The following MACROD2 variants were observed in gnomAD, a reference collection of about 807,000 sequenced individuals.
MACROD2 encodes mono-ADP ribosylhydrolase 2.
In MACROD2, 36 loss-of-function variants were observed where a neutral mutation model predicts 70.4. That is an observed-to-expected ratio of 0.51 (90% CI 0.39 to 0.68). The LOEUF (loss-of-function observed/expected upper bound fraction) is 0.68, where lower values mean the gene tolerates loss of function less well. MACROD2 is among the 30% of genes least tolerant of loss of function. The probability of loss-of-function intolerance (pLI) is 0.00; values close to 1 mark genes in which losing one functional copy is unlikely to be tolerated. For synonymous variants in MACROD2, 172 were observed against 178.8 expected (o/e 0.96, Z 0.30); for missense variants, 496 against 538.4 (o/e 0.92, Z 0.78).
chr20:14,673,963 C>T (rs192481975), intron 4 of MACROD2, among the ~76,000 whole-genome samples: 1 of 149,988 alleles, frequency 6.7e-6, no homozygotes, highest in Admixed American at 6.6e-5. Flanking sequence ...AAGCTCAAGA[C>T]CACCTTGCAA....
chr20:14,444,041 T>C (rs201812596), intron 3 of MACROD2, among the ~76,000 whole-genome samples: 4 of 152,304 alleles, frequency 2.6e-5, no homozygotes, highest in East Asian at 3.9e-4. Flanking sequence ...AATCTCACTT[T>C]ATCTAAAAAC....
At chr20:14,697,924 T>C (rs774644900) in intron 5 of MACROD2, among the ~76,000 whole-genome samples, 22 of 152,368 alleles carry the variant, frequency 1.4e-4, no homozygotes, top group African/African-American at 5.3e-4. Flanking sequence ...TGTTTAAGAC[T>C]GTACACTTTG....
chr20:15,092,071 C>T (rs760863758), intron 5 of MACROD2, among the ~76,000 whole-genome samples: 2 of 152,154 alleles, frequency 1.3e-5, no homozygotes, highest in African/African-American at 2.4e-5. Flanking sequence ...ACACTAAAGT[C>T]ATTTGGAAAC....
intron 6 of MACROD2, among the ~76,000 whole-genome samples, chr20:15,416,693 A>G (rs761961507): frequency 4.2e-4 from 64 of 152,104 alleles, no homozygotes; most frequent in Middle Eastern, 3.4e-3. Context: ...TCACGAGGTC[A>G]GGAGATCGAG....
At chr20:15,481,643 T>A (rs2047099364) in intron 7 of MACROD2, among the ~76,000 whole-genome samples, 1 of 152,100 alleles carries the variant, frequency 6.6e-6, no homozygotes, top group South Asian at 2.1e-4. Flanking sequence ...GAGCCTACTC[T>A]CATGCTTTCG....
chr20:15,467,090 T>C (rs2046902319), intron 7 of MACROD2, among the ~76,000 whole-genome samples: 2 of 152,210 alleles, frequency 1.3e-5, no homozygotes, highest in Non-Finnish European at 2.9e-5. Flanking sequence ...TGTTGCTCTA[T>C]GAAGGCATTC....
At chr20:14,143,693 C>T (rs2054906725) in intron 3 of MACROD2, among the ~76,000 whole-genome samples, 1 of 152,074 alleles carries the variant, frequency 6.6e-6, no homozygotes, top group Non-Finnish European at 1.5e-5. Flanking sequence ...CTGCTCAGGC[C>T]ATTGTGGAAT....
chr20:14,583,639 A>G (rs571964435), intron 4 of MACROD2, among the ~76,000 whole-genome samples: 1 of 152,290 alleles, frequency 6.6e-6, no homozygotes, highest in South Asian at 2.1e-4. Context: ...CTCTGAGTCA[A>G]TACTTACTCA....
intron 5 of MACROD2, among the ~76,000 whole-genome samples, chr20:14,706,180 G>A (rs1226547811): frequency 6.6e-6 from 1 of 151,996 alleles, no homozygotes. Flanking sequence ...TGGGTGTGGT[G>A]GCACACACCT....
chr20:14,008,968 A>G (rs1024503374), intron 2 of MACROD2, among the ~76,000 whole-genome samples: 2 of 152,184 alleles, frequency 1.3e-5, no homozygotes, highest in Non-Finnish European at 2.9e-5. Context: ...ACACAGATTA[A>G]CTCAAGATGG....
intron 4 of MACROD2, among the ~76,000 whole-genome samples, chr20:14,678,468 T>C (rs1209905181): frequency 6.6e-6 from 1 of 152,154 alleles, no homozygotes; most frequent in Non-Finnish European, 1.5e-5. Flanking sequence ...TTTTTTCCTA[T>C]AATATATATA....
At chr20:14,108,597 A>G (rs989950434) in intron 3 of MACROD2, among the ~76,000 whole-genome samples, 1 of 152,122 alleles carries the variant, frequency 6.6e-6, no homozygotes, top group African/African-American at 2.4e-5. Context: ...ATGGAAAGCA[A>G]AAAAGAGTAG....
chr20:15,801,003 G>A (rs1206190573), intron 8 of MACROD2, among the ~76,000 whole-genome samples: 1 of 150,788 alleles, frequency 6.6e-6, no homozygotes, highest in Non-Finnish European at 1.5e-5. Flanking sequence ...TGCTCCTTAA[G>A]AGTCATCGCC....
intron 8 of MACROD2, among the ~76,000 whole-genome samples, chr20:15,689,531 T>C (rs918684675): frequency 6.6e-6 from 1 of 152,060 alleles, no homozygotes; most frequent in African/African-American, 2.4e-5. Context: ...TGAATTACAA[T>C]CTAAAGAAGA....
chr20:15,826,506 A>C (rs1328051480), intron 8 of MACROD2, among the ~76,000 whole-genome samples: 3 of 152,236 alleles, frequency 2.0e-5, no homozygotes, highest in Non-Finnish European at 4.4e-5. Context: ...TTTAACTCAA[A>C]GCTTTTTTTA....
intron 2 of MACROD2, among the ~76,000 whole-genome samples, chr20:14,065,952 C>T (rs1283099138): frequency 6.6e-6 from 1 of 152,132 alleles, no homozygotes; most frequent in African/African-American, 2.4e-5. Context: ...TCCACTAGTT[C>T]TGTGACCTTG....
chr20:14,127,496 G>T, intron 3 of MACROD2: 1 of 492,092 alleles, frequency 2.0e-6, no homozygotes, highest in South Asian at 3.8e-5. Context: ...TCAAATCATT[G>T]AATATCTTAA....
At chr20:15,501,588 A>T (rs867795662) in intron 8 of MACROD2, among the ~76,000 whole-genome samples, 6 of 152,286 alleles carry the variant, frequency 3.9e-5, no homozygotes, top group Middle Eastern at 3.4e-3. Context: ...TTTTGCTTTC[A>T]TATCCTTTTA....
At chr20:14,937,681 G>A (rs746858067) in intron 5 of MACROD2, among the ~76,000 whole-genome samples, 4 of 151,970 alleles carry the variant, frequency 2.6e-5, no homozygotes, top group Non-Finnish European at 1.5e-5. Context: ...TCTTTTTAAT[G>A]CTAGAAACAT....
Sources: allele counts gnomAD v4.1 joint callset (sites outside exome capture counted in the v4.1 genomes callset), GRCh38; gene constraint gnomAD v4.1.1; transcripts MANE v1.5; gene names NCBI Gene and HGNC (gene_info 2026-07-23, HGNC 2026-07-21).